KBTBD3: variants seen among roughly 807,000 people sequenced by gnomAD.
KBTBD3 encodes kelch repeat and BTB domain-containing protein 3.
In KBTBD3, 38 loss-of-function variants were observed where a neutral mutation model predicts 49.6. The ratio of observed to expected loss-of-function variants is 0.77; its 90% CI spans 0.59 to 1.00. The LOEUF is 1.00. KBTBD3 is among the 50% of genes least tolerant of loss of function. The probability of loss-of-function intolerance (pLI) is 0.00; values close to 1 mark genes in which losing one functional copy is unlikely to be tolerated. For missense variants in KBTBD3, 661 were observed against 712.0 expected (o/e 0.93, Z 0.81); for synonymous variants, 214 against 250.4 (o/e 0.85, Z 1.37).
At chr11:106,062,197 G>C (rs1860712811) in intron 2 of KBTBD3, among the ~76,000 whole-genome samples, 1 of 152,132 alleles carries the variant, frequency 6.6e-6, no homozygotes, top group Admixed American at 6.6e-5. Flanking sequence ...TTAAAAATGA[G>C]AGTGGGTATC....
chr11:106,059,897 T>C (rs1310359163), intron 2 of KBTBD3, among the ~76,000 whole-genome samples: 1 of 152,160 alleles, frequency 6.6e-6, no homozygotes, highest in Non-Finnish European at 1.5e-5. Flanking sequence ...TAGAAAACCT[T>C]GATTCGACAT....
chr11:106,051,784 CA>C lies in KBTBD3; in HGVS notation c.*1065del, dbSNP rs773651674. On this transcript the variant is annotated 3_prime_UTR_variant, in exon 4 of 4. Transcript: ENST00000531837. Reference sequence around the variant, plus strand: ...CTATTATCAATACCAAAAGCCAAGTCATTTTTTTTAATTTAGAAAATAATTC... The same window carrying C: ...CTATTATCAATACCAAAAGCCAAGTCTTTTTTTTAATTTAGAAAATAATTC... 1.3e-5 allele frequency: 2 copies of C among 151,718 alleles called. No individual in the cohort carries two copies. The highest frequency in any genetic ancestry group is 3.0e-5 in the Non-Finnish European group (2 of 67,788). 9.4% of individuals were successfully genotyped at this position (151,718 alleles called of 1,614,324 possible).
intron 3 of KBTBD3, among the ~76,000 whole-genome samples, chr11:106,056,682 C>T (rs1305631666): frequency 2.0e-5 from 3 of 152,122 alleles, no homozygotes; most frequent in African/African-American, 7.2e-5. Flanking sequence ...TATAATCCTA[C>T]TTTTTTACAA....
Position 106,053,845 on chromosome 11 carries a change from C to T in KBTBD3, c.844G>A (p.Gly282Ser). The change falls in exon 4 of 4, where the codon GGT (glycine) becomes AGT (serine). Residue 282 changes from glycine (G) to serine (S), a missense_variant. Coordinates refer to ENST00000531837, the MANE Select transcript of KBTBD3 (RefSeq NM_198439.3). Reference protein sequence around the residue: ...MDAIKCVQGSGGLFPDARPST... With the variant: ...MDAIKCVQGSSGLFPDARPST... Reference sequence around the variant, plus strand: ...GGTCGAGCATCAGGGAAGAGTCCACCAGAACCTTGCACACACTTAATTGCA... The same window carrying T: ...GGTCGAGCATCAGGGAAGAGTCCACTAGAACCTTGCACACACTTAATTGCA... 2 of 1,613,930 alleles carry T rather than the reference C, an allele frequency of 1.2e-6. No homozygotes were observed. Among genetic ancestry groups the T allele is most frequent in the Non-Finnish European group, 1.7e-6 (2 of 1,179,908 alleles).
In KBTBD3 at chr11:106,052,631, T is replaced by C. The variant is rs566022802; in HGVS notation, c.*219A>G. The C allele has an allele frequency of 2.2e-6, 1 of 454,762 alleles. No homozygotes were observed. Among genetic ancestry groups the C allele is most frequent in the South Asian group, 3.4e-5 (1 of 29,576 alleles). 28.2% of individuals were successfully genotyped at this position (454,762 alleles called of 1,614,324 possible). A position where few individuals can be genotyped will look rare whatever the true frequency, so the allele number is the denominator to read the frequency against. ...TAGTTTCATGTGAAAATACTAAGTA[T>C]TCTGGATTCCCCAAGGTTAAATTAT... On this transcript the variant is annotated 3_prime_UTR_variant, in exon 4 of 4. Transcript: ENST00000531837.
At chr11:106,056,503 G>A (rs1343148264) in intron 3 of KBTBD3, among the ~76,000 whole-genome samples, 1 of 152,148 alleles carries the variant, frequency 6.6e-6, no homozygotes, top group Non-Finnish European at 1.5e-5. Context: ...AAACATCACA[G>A]GGAAATCAAG....
At chr11:106,071,392 T>C (rs931724053) in intron 2 of KBTBD3, among the ~76,000 whole-genome samples, 2 of 152,162 alleles carry the variant, frequency 1.3e-5, no homozygotes, top group African/African-American at 4.8e-5. Flanking sequence ...GTATGTAATT[T>C]AGATCTTGTG....
intron 2 of KBTBD3, among the ~76,000 whole-genome samples, chr11:106,072,078 G>C (rs1386818064): frequency 6.6e-6 from 1 of 152,082 alleles, no homozygotes; most frequent in Non-Finnish European, 1.5e-5. Context: ...CTCTGGTTGG[G>C]TAGTAGTCAT....
rs1188424196 is a variant in KBTBD3, at chr11:106,052,486, T to C, written c.*364A>G. The C allele has an allele frequency of 6.2e-6, 1 of 161,840 alleles. No individual in the cohort carries two copies. Among genetic ancestry groups the C allele is most frequent in the African/African-American group, 2.4e-5 (1 of 41,722 alleles). The allele number at this position is 161,840 out of a possible 1,614,324, so 10.0% of individuals were successfully genotyped here. A position where few individuals can be genotyped will look rare whatever the true frequency, so the allele number is the denominator to read the frequency against. ...TTCTCACCTCTGATTTATTTTTTAC[T>C]TCATATAAGATACAGTGTAATTCAT... On this transcript the variant is annotated 3_prime_UTR_variant, in exon 4 of 4. Coordinates refer to ENST00000531837, the MANE Select transcript of KBTBD3 (RefSeq NM_198439.3).
At chr11:106,064,697 C>T (rs905607927) in intron 2 of KBTBD3, among the ~76,000 whole-genome samples, 11 of 152,136 alleles carry the variant, frequency 7.2e-5, no homozygotes, top group Non-Finnish European at 1.6e-4. Flanking sequence ...AAGGTGTCTT[C>T]TCAGTGTCAC....
At chr11:106,058,713 C>G (rs1293200955) in intron 3 of KBTBD3, 152 bp downstream of exon 3, 4 of 597,528 alleles carry the variant, frequency 6.7e-6, no homozygotes, top group South Asian at 2.2e-5. Context: ...CGTGAGCCAC[C>G]GTGCCCAGCC....
At chr11:106,076,261 T>C (rs1365447893) in intron 2 of KBTBD3, 1 of 152,240 alleles carries the variant, frequency 6.6e-6, no homozygotes, top group Non-Finnish European at 1.5e-5. Flanking sequence ...AAGCAGATTT[T>C]CAACATGGCA....
chr11:106,066,365 T>A (rs937851715), intron 2 of KBTBD3, among the ~76,000 whole-genome samples: 38 of 152,222 alleles, frequency 2.5e-4, no homozygotes, highest in African/African-American at 8.4e-4. Flanking sequence ...CCAACACTCA[T>A]AATAATCCTT....
chr11:106,070,440 A>G (rs1045160326), intron 2 of KBTBD3, among the ~76,000 whole-genome samples: 2 of 152,128 alleles, frequency 1.3e-5, no homozygotes, highest in African/African-American at 4.8e-5. Flanking sequence ...CAAAAGGCAC[A>G]AAGAGATATT....
Position 106,054,144 on chromosome 11 carries a change from G to C in KBTBD3, c.545C>G (p.Ser182Cys). The change falls in exon 4 of 4, where the codon TCT becomes TGT. Residue 182 changes from serine to cysteine, a missense_variant. Physicochemically the swap from Ser to Cys is moderately radical, Grantham distance 112 (BLOSUM62 -1). Coordinates refer to ENST00000531837, the MANE Select transcript of KBTBD3 (RefSeq NM_198439.3). ...HALHFVQHHF[S>C]LLFKSSDFLE... is the part of the protein sequence containing the mutation. ...GAAATCACTGGATTTAAATAATAAA[G>C]AAAAGTGATGTTGTACAAAGTGTAA... 6.2e-7 allele frequency: 1 copy of C among 1,612,896 alleles called. No individual in the cohort carries two copies. The highest frequency in any genetic ancestry group is 8.5e-7 in the Non-Finnish European group (1 of 1,179,298).
intron 2 of KBTBD3, among the ~76,000 whole-genome samples, chr11:106,068,833 T>C (rs1860862685): frequency 6.6e-6 from 1 of 152,068 alleles, no homozygotes; most frequent in Non-Finnish European, 1.5e-5. Context: ...AAATCAGCAA[T>C]ATATAAAAGG....
intron 2 of KBTBD3, among the ~76,000 whole-genome samples, chr11:106,064,351 G>C (rs996774120): frequency 4.0e-5 from 6 of 151,834 alleles, no homozygotes; most frequent in Non-Finnish European, 8.8e-5. Context: ...TTCAAGACTA[G>C]CCTGGCCAAA....
chr11:106,059,182 G>C (rs1860629685), intron 2 of KBTBD3, 73 bp from the exon 3 acceptor site: 4 of 726,338 alleles, frequency 5.5e-6, no homozygotes, highest in African/African-American at 1.9e-5. Flanking sequence ...TCGCCCTCTT[G>C]ATGGCAAATA....
intron 2 of KBTBD3, among the ~76,000 whole-genome samples, chr11:106,061,437 A>G (rs1345455835): frequency 3.3e-5 from 5 of 152,204 alleles, no homozygotes; most frequent in African/African-American, 9.6e-5. Context: ...ATGAGTGACA[A>G]TTTGTTTGGG....
Sources: allele counts gnomAD v4.1 joint callset (sites outside exome capture counted in the v4.1 genomes callset), GRCh38; gene constraint gnomAD v4.1.1; transcripts MANE v1.5; gene names NCBI Gene and HGNC (gene_info 2026-07-23, HGNC 2026-07-21).